Variants in MYO18A observed in about 807,000 individuals in gnomAD.
The protein encoded by MYO18A is unconventional myosin-XVIIIa.
Under a neutral mutation model 235.8 loss-of-function variants are expected in MYO18A, and 78 were observed. That is an observed-to-expected ratio of 0.33 (90% CI 0.28 to 0.40). The LOEUF is 0.40. Ranked by LOEUF, MYO18A falls within the 10% of genes least tolerant of loss-of-function variation. The probability of loss-of-function intolerance (pLI) is 1.00; values close to 1 mark genes in which losing one functional copy is unlikely to be tolerated. For missense variants in MYO18A, 2,215 were observed against 2,699.3 expected (o/e 0.82, Z 3.98); for synonymous variants, 977 against 1,077.8 (o/e 0.91, Z 1.83).
intron 2 of MYO18A, chr17:29,131,397 T>C: frequency 1.0e-6 from 1 of 985,910 alleles, no homozygotes; most frequent in Non-Finnish European, 1.2e-6. Flanking sequence ...CCTTCCTCCT[T>C]GCCAGGAGAG....
rs373729813 is a variant in MYO18A, at chr17:29,166,317, G to A, written c.624C>T (p.Pro208=). 40 of 1,612,580 alleles carry A rather than the reference G, an allele frequency of 2.5e-5. No individual in the cohort carries two copies. In the African/African-American group the frequency reaches 5.1e-4, roughly 20 times the overall value. The change falls in exon 2 of 42, where the codon CCC becomes CCT. Residue 208 remains proline, a synonymous_variant. Coordinates refer to ENST00000527372, the MANE Select transcript of MYO18A (RefSeq NM_078471.4). ...TAGGTGGGGGCAGGGGCACCACGGGGGGCAGGCGCAGGTCGACTGGGAACT... is the reference window on the plus strand; with the variant it reads ...TAGGTGGGGGCAGGGGCACCACGGGAGGCAGGCGCAGGTCGACTGGGAACT... The part of the protein sequence containing the change: ...TKKFPVDLRL[P]PVVPLPPPTL...
At position 29,074,080 on chromosome 17, in the gene MYO18A, C is replaced by T; in HGVS notation, c.*690G>A. On this transcript the variant is annotated 3_prime_UTR_variant, in exon 42 of 42. Transcript: ENST00000527372. This position sits in a 1 kb window ranked among gnomAD's most constrained non-coding sequence, Gnocchi z 4.4. ...CGTAGGCTTGCTCAACCCAGCCCAG[C>T]AGCACCGGAGAGCCCCTCCGCACCT... 1.2e-6 allele frequency: 2 copies of T among 1,614,112 alleles called. No homozygotes were observed. The highest frequency in any genetic ancestry group is 1.7e-6 in the Non-Finnish European group (2 of 1,180,030).
rs2152877398 is a variant in MYO18A at position 29,126,346 on chromosome 17, G to A, written c.1000-4093C>T. Reference sequence around the variant, plus strand: ...GACGGGGAGGAGGGAGGGGAGGGCAGCCGCCCGGGAACAGGACCACGACAC... The same window carrying A: ...GACGGGGAGGAGGGAGGGGAGGGCAACCGCCCGGGAACAGGACCACGACAC... On this transcript the variant is annotated intron_variant, in intron 2 of 41. Coordinates refer to ENST00000527372, the MANE Select transcript of MYO18A (RefSeq NM_078471.4). This position sits in a 1 kb window ranked among gnomAD's most constrained non-coding sequence, Gnocchi z 4.1. 6.6e-6 allele frequency among the ~76,000 whole-genome samples: 1 copy of A among 151,782 alleles called. No individual in the cohort carries two copies. Among genetic ancestry groups the A allele is most frequent in the East Asian group, 2.0e-4 (1 of 5,116 alleles).
At chr17:29,136,358 C>T (rs753255790) in intron 2 of MYO18A, among the ~76,000 whole-genome samples, 10 of 147,836 alleles carry the variant, frequency 6.8e-5, no homozygotes, top group East Asian at 3.9e-4. Flanking sequence ...TTATCCAAGA[C>T]AGAATGGGTA....
In MYO18A at chr17:29,098,434, C is replaced by A; in HGVS notation, c.3792G>T (p.Gln1264His). The change falls in exon 24 of 42, where the codon CAG (glutamine) becomes CAT (histidine). Residue 1264 changes from glutamine (Q) to histidine (H), a missense_variant. Gln to His is a conservative substitution (Grantham distance 24). Transcript: ENST00000527372. Reference sequence around the variant, plus strand: ...CCTTCTCGAGCTTGCTCCGCAGCTGCTGGATCTCCTCCTAGGGTGGACCAA... The same window carrying A: ...CCTTCTCGAGCTTGCTCCGCAGCTGATGGATCTCCTCCTAGGGTGGACCAA... ...EQIRNKDEEI[Q>H]QLRSKLEKAE... The A allele has an allele frequency of 1.9e-6, 3 of 1,613,946 alleles. No homozygotes were observed. The highest frequency in any genetic ancestry group is 1.7e-6 in the Non-Finnish European group (2 of 1,179,872).
Position 29,125,783 on chromosome 17 carries a change from A to C in MYO18A, c.1000-3530T>G. On this transcript the variant is annotated intron_variant, in intron 2 of 41. Transcript: ENST00000527372. This position sits in a 1 kb window ranked among gnomAD's most constrained non-coding sequence, Gnocchi z 5.1. ...CCAACATGAGGGCCCACAGGCCGCC[A>C]TGGAGCCATCTTCATGGTCAGCGCG... 1 of 392,878 alleles carries C rather than the reference A, an allele frequency of 2.5e-6. No homozygotes were observed. Among genetic ancestry groups the C allele is most frequent in the Non-Finnish European group, 3.5e-6 (1 of 287,128 alleles). 24.3% of individuals were successfully genotyped at this position (392,878 alleles called of 1,614,324 possible).
Position 29,120,531 on chromosome 17 carries a change from G to T in MYO18A, c.1728+85C>A. 1.3e-6 allele frequency: 2 copies of T among 1,488,692 alleles called. No homozygotes were observed. The highest frequency in any genetic ancestry group is 1.8e-6 in the Non-Finnish European group (2 of 1,105,886). The allele number at this position is 1,488,692 out of a possible 1,614,324, so 92.2% of individuals were successfully genotyped here. On this transcript the variant is annotated intron_variant, in intron 7 of 41. Transcript: ENST00000527372. This position sits in a 1 kb window ranked among gnomAD's most constrained non-coding sequence, Gnocchi z 4.2. ...TGTTAGGGTAGAATCCCAGGAAAATGAGGCATGGGAGAGAGCCTGATGTCT... is the reference window on the plus strand; with the variant it reads ...TGTTAGGGTAGAATCCCAGGAAAATTAGGCATGGGAGAGAGCCTGATGTCT...
At position 29,118,726 on chromosome 17, in the gene MYO18A, C is replaced by T. The variant is rs764207086; in HGVS notation, c.1830-286G>A. 1.3e-5 allele frequency among the ~76,000 whole-genome samples: 2 copies of T among 152,266 alleles called. No homozygotes were observed. The highest frequency in any genetic ancestry group is 2.9e-5 in the Non-Finnish European group (2 of 68,048). On this transcript the variant is annotated intron_variant, in intron 8 of 41. Transcript: ENST00000527372. This position sits in a 1 kb window ranked among gnomAD's most constrained non-coding sequence, Gnocchi z 4.2. ...AACCTGCCCGAAGGGTGAGTCCCGC[C>T]AAGGCAGAGACGATGCCCTCAGTTA...
chr17:29,163,945 A>G (rs2068226646), intron 2 of MYO18A, among the ~76,000 whole-genome samples: 1 of 152,246 alleles, frequency 6.6e-6, no homozygotes, highest in South Asian at 2.1e-4. Flanking sequence ...GCTGAAGTGC[A>G]ATGGCTTGAT....
In MYO18A at chr17:29,165,973, C is replaced by T. The variant is rs1257797154; in HGVS notation, c.968G>A (p.Ser323Asn). Reference protein sequence around the residue: ...LSELSRSWLRSGEGPRREPSD... With the variant: ...LSELSRSWLRNGEGPRREPSD... ...TGGCTCCCTGCGAGGTCCCTCGCCG[C>T]TCCGCAGCCAGCTCCTGCTGAGCTC... The change falls in exon 2 of 42, where the codon AGC becomes AAC. Residue 323 changes from serine (S) to asparagine (N), a missense_variant. Transcript: ENST00000527372. 4.3e-6 allele frequency: 7 copies of T among 1,613,374 alleles called. No homozygotes were observed. The highest frequency in any genetic ancestry group is 5.9e-6 in the Non-Finnish European group (7 of 1,179,828).
Position 29,073,778 on chromosome 17 carries a change from GAC to G in MYO18A, c.*990_*991del, listed in dbSNP as rs1042782802. On this transcript the variant is annotated 3_prime_UTR_variant, in exon 42 of 42. Transcript: ENST00000527372. ...GGTTGGAAGAATGACACGGGCTCAGGACACAGAGTGAGGACTCATGTCTAATG... is the reference window on the plus strand; with the variant it reads ...GGTTGGAAGAATGACACGGGCTCAGGACAGAGTGAGGACTCATGTCTAATG... 1.1e-5 allele frequency: 15 copies of G among 1,427,420 alleles called. No homozygotes were observed. Among genetic ancestry groups the G allele is most frequent in the Middle Eastern group, 1.8e-4 (1 of 5,528 alleles). 88.4% of individuals were successfully genotyped at this position (1,427,420 alleles called of 1,614,324 possible). A position where few individuals can be genotyped will look rare whatever the true frequency, so the allele number is the denominator to read the frequency against.
intron 17 of MYO18A, among the ~76,000 whole-genome samples, chr17:29,110,959 T>C (rs1027270691): frequency 6.6e-6 from 1 of 152,202 alleles, no homozygotes; most frequent in Non-Finnish European, 1.5e-5. Context: ...CAACATCTTC[T>C]AACATACGAT....
chr17:29,141,454 G>A (rs1185282133), intron 2 of MYO18A, among the ~76,000 whole-genome samples: 1 of 151,642 alleles, frequency 6.6e-6, no homozygotes, highest in Non-Finnish European at 1.5e-5. Context: ...AAAAAATGGG[G>A]TGGGGGTGGT....
chr17:29,082,460 A>T (rs1210372028), intron 40 of MYO18A, 22 bp from the exon 41 acceptor site: 1 of 1,609,052 alleles, frequency 6.2e-7, no homozygotes, highest in Admixed American at 1.7e-5. Flanking sequence ...AGGAGCAGAA[A>T]GGTAGACAAG....
rs10535921 is a variant in MYO18A at position 29,148,582 on chromosome 17, T to TTGTGTGTGTG, written c.999+17350_999+17359dup. Among the ~76,000 whole-genome samples the TTGTGTGTGTG allele has an allele frequency of 1.9e-3, 288 of 148,872 alleles. 1 individual carries two copies. The highest frequency in any genetic ancestry group is 3.4e-3 in the Middle Eastern group (1 of 290). ...TTGGGAGGAATTATCCTTTATTCTT[T>TTGTGTGTGTG]TGTGTGTGTGTGTGTGTGTGTGTGT... On this transcript the variant is annotated intron_variant, in intron 2 of 41. Coordinates refer to ENST00000527372, the MANE Select transcript of MYO18A (RefSeq NM_078471.4).
Position 29,125,779 on chromosome 17 carries a change from C to T in MYO18A, c.1000-3526G>A, listed in dbSNP as rs1336752473. 4.0e-5 allele frequency: 14 copies of T among 353,248 alleles called. No homozygotes were observed. In the South Asian group the frequency reaches 6.7e-4, roughly 17 times the overall value. 21.9% of individuals were successfully genotyped at this position (353,248 alleles called of 1,614,324 possible). A position where few individuals can be genotyped will look rare whatever the true frequency, so the allele number is the denominator to read the frequency against. ...GAGCCCAACATGAGGGCCCACAGGCCGCCATGGAGCCATCTTCATGGTCAG... is the reference window on the plus strand; with the variant it reads ...GAGCCCAACATGAGGGCCCACAGGCTGCCATGGAGCCATCTTCATGGTCAG... On this transcript the variant is annotated intron_variant, in intron 2 of 41. Transcript: ENST00000527372. This position sits in a 1 kb window ranked among gnomAD's most constrained non-coding sequence, Gnocchi z 5.1.
intron 1 of MYO18A, among the ~76,000 whole-genome samples, chr17:29,168,375 T>C (rs1209687430): frequency 6.6e-6 from 1 of 152,086 alleles, no homozygotes; most frequent in Admixed American, 6.5e-5. Flanking sequence ...AATAAAAACC[T>C]GGTGGGAAGA....
At chr17:29,089,158 T>C (rs2066331443) in intron 37 of MYO18A, among the ~76,000 whole-genome samples, 1 of 149,960 alleles carries the variant, frequency 6.7e-6, no homozygotes, top group Non-Finnish European at 1.5e-5. Flanking sequence ...GGAAAAAATA[T>C]AAAATATTTC....
At position 29,114,865 on chromosome 17, in the gene MYO18A, G is replaced by A. The variant is rs768372295; in HGVS notation, c.2511+42C>T. The A allele has an allele frequency of 8.2e-6, 13 of 1,581,196 alleles. No individual in the cohort carries two copies. The East Asian group carries it at 2.9e-4, about 36-fold the overall frequency. ...AGATGCCCTCGCTGTGGGTGCCAAGGCCAGAATCTGAGGCTAGATGAGGCC... is the reference window on the plus strand; with the variant it reads ...AGATGCCCTCGCTGTGGGTGCCAAGACCAGAATCTGAGGCTAGATGAGGCC... On this transcript the variant is annotated intron_variant, in intron 14 of 41. Transcript: ENST00000527372.
Sources: allele counts gnomAD v4.1 joint callset (sites outside exome capture counted in the v4.1 genomes callset), GRCh38; gene constraint gnomAD v4.1.1; non-coding constraint Gnocchi (gnomAD v3.1); transcripts MANE v1.5; gene names NCBI Gene and HGNC (gene_info 2026-07-23, HGNC 2026-07-21).